The following ZMYM2 variants were observed in gnomAD, a reference collection of about 807,000 sequenced individuals.
ZMYM2 encodes zinc finger MYM-type protein 2.
In ZMYM2, 56 loss-of-function variants were observed where a neutral mutation model predicts 162.8. The observed-to-expected ratio is 0.34, with a 90% CI of 0.28 to 0.43. The LOEUF is 0.43. Ranked by LOEUF, ZMYM2 falls within the 20% of genes least tolerant of loss-of-function variation. The probability of loss-of-function intolerance (pLI) is 1.00; values close to 1 mark genes in which losing one functional copy is unlikely to be tolerated. For missense variants in ZMYM2, 1,275 were observed against 1,621.8 expected (o/e 0.79, Z 3.67); for synonymous variants, 510 against 541.6 (o/e 0.94, Z 0.81).
At chr13:19,949,118 CA>C in the ZMYM2 span, among the ~76,000 whole-genome samples, 1 of 146,742 alleles carries the variant, frequency 6.8e-6, no homozygotes, top group Non-Finnish European at 1.5e-5. Context: ...AAAAAAACTA[CA>C]AAAATTAAGG....
chr13:20,001,636 T>C (rs1036562368), intron 3 of ZMYM2, among the ~76,000 whole-genome samples: 1 of 152,166 alleles, frequency 6.6e-6, no homozygotes, highest in African/African-American at 2.4e-5. Context: ...ACTCTGATTT[T>C]GAAAGAAGCT....
chr13:19,989,566 C>T (rs1027971816), intron 2 of ZMYM2, among the ~76,000 whole-genome samples: 1 of 151,992 alleles, frequency 6.6e-6, no homozygotes, highest in Non-Finnish European at 1.5e-5. Flanking sequence ...AGCCTCTGCC[C>T]GTCTACATGA....
At chr13:19,865,509 A>G in the ZMYM2 span, among the ~76,000 whole-genome samples, 2 of 152,198 alleles carry the variant, frequency 1.3e-5, no homozygotes, top group African/African-American at 4.8e-5. Flanking sequence ...AATTACATGT[A>G]ATGTCATCAT....
intron 21 of ZMYM2, among the ~76,000 whole-genome samples, chr13:20,076,784 GA>G (rs1213991665): frequency 6.7e-6 from 1 of 150,232 alleles, no homozygotes; most frequent in African/African-American, 2.5e-5. Context: ...ATACATAGAG[GA>G]TTTCTAAGCT....
chr13:20,074,729 G>C (rs1175241150), intron 21 of ZMYM2, among the ~76,000 whole-genome samples: 1 of 152,100 alleles, frequency 6.6e-6, no homozygotes, highest in East Asian at 1.9e-4. Context: ...TAGTAGAGAC[G>C]AGGTTTCACC....
the ZMYM2 span, chr13:19,865,149 G>T: frequency 1.3e-5 from 2 of 152,158 alleles, no homozygotes; most frequent in African/African-American, 2.4e-5. Context: ...CCAATCTTTT[G>T]GCTTCCCGGG....
chr13:19,876,843 T>C, the ZMYM2 span, among the ~76,000 whole-genome samples: 1 of 152,192 alleles, frequency 6.6e-6, no homozygotes, highest in African/African-American at 2.4e-5. Flanking sequence ...TTTCTGTATG[T>C]ATGAATTTGA....
intron 12 of ZMYM2, among the ~76,000 whole-genome samples, chr13:20,047,822 C>T (rs971615666): frequency 2.0e-5 from 3 of 151,980 alleles, no homozygotes; most frequent in African/African-American, 7.2e-5. Flanking sequence ...CATCATGCAA[C>T]CAAAAAATGC....
At position 20,059,550 on chromosome 13, in the gene ZMYM2, A is replaced by T. The variant is rs1354363885; in HGVS notation, c.2727A>T (p.Thr909=). 6.4e-6 allele frequency: 8 copies of T among 1,242,754 alleles called. No individual in the cohort carries two copies. The allele number at this position is 1,242,754 out of a possible 1,614,324, so 77.0% of individuals were successfully genotyped here. A position where few individuals can be genotyped will look rare whatever the true frequency, so the allele number is the denominator to read the frequency against. Residue 909 remains threonine, a synonymous_variant, in exon 16 of 25, where the codon ACA becomes ACT. Coordinates refer to ENST00000610343, the MANE Select transcript of ZMYM2 (RefSeq NM_197968.4). ...GTCAGAATATTCCTGTTCCTACTAC[A>T]GTTCCTGTTCCTGTAAGTCACATTT... ...MYSQNIPVPT[T]VPVPVPVPVF...
rs58588019 is a variant in ZMYM2, at chr13:19,987,111, CAAAAAAAAAAAAAAA to C, written c.-10-5937_-10-5923del. Among the ~76,000 whole-genome samples the C allele has an allele frequency of 3.4e-4, 14 of 40,962 alleles. No homozygotes were observed. The East Asian group carries it at 5.4e-3, about 16-fold the overall frequency. The allele number at this position is 40,962 out of a possible 152,430, so 26.9% of individuals were successfully genotyped here. A position where few individuals can be genotyped will look rare whatever the true frequency, so the allele number is the denominator to read the frequency against. On this transcript the variant is annotated intron_variant, in intron 2 of 24. Transcript: ENST00000610343. The stretch of plus-strand genomic sequence containing the variant: ...TGGGCAAGAGAGCAAGGCTCCGTCT[CAAAAAAAAAAAAAAA>C]AAAAAAAAAAAAAATTTCAGCAGTT...
In ZMYM2 at chr13:20,026,477, A is replaced by G; in HGVS notation, c.1585-135A>G. On this transcript the variant is annotated intron_variant, in intron 7 of 24. Transcript: ENST00000610343. The stretch of plus-strand genomic sequence containing the variant: ...TAGTTAATAGTTTGTATGTAGATGA[A>G]GACTCATGACTCTAAACCTGTTTAG... 2.6e-6 allele frequency: 2 copies of G among 764,066 alleles called. 1 individual carries two copies. The allele number at this position is 764,066 out of a possible 1,614,324, so 47.3% of individuals were successfully genotyped here.
chr13:19,895,076 CAAAAAAA>C, the ZMYM2 span, among the ~76,000 whole-genome samples: 302 of 83,740 alleles, frequency 3.6e-3, 4 homozygotes, highest in African/African-American at 0.014. Flanking sequence ...AACTCCATCT[CAAAAAAA>C]AAAAAAAAAA....
At chr13:19,898,434 T>A in the ZMYM2 span, among the ~76,000 whole-genome samples, 13 of 151,886 alleles carry the variant, frequency 8.6e-5, no homozygotes, top group South Asian at 2.1e-4. Context: ...GGGGTTTCAC[T>A]GTGTTAGCCA....
chr13:19,938,581 T>G, the ZMYM2 span, among the ~76,000 whole-genome samples: 2 of 131,042 alleles, frequency 1.5e-5, no homozygotes. Context: ...TTAAATAAAA[T>G]TATGGAGGGG....
the ZMYM2 span, among the ~76,000 whole-genome samples, chr13:19,900,379 C>A: frequency 1.3e-5 from 2 of 152,010 alleles, no homozygotes; most frequent in African/African-American, 4.8e-5. Context: ...CTTAACCTAC[C>A]AAGAATGAAT....
chr13:19,909,084 G>A, the ZMYM2 span, among the ~76,000 whole-genome samples: 5 of 152,062 alleles, frequency 3.3e-5, no homozygotes, highest in South Asian at 4.2e-4. Flanking sequence ...TTTAACGTTC[G>A]TTTTTAATAT....
the ZMYM2 span, among the ~76,000 whole-genome samples, chr13:19,916,762 A>G: frequency 6.6e-6 from 1 of 152,078 alleles, no homozygotes; most frequent in Non-Finnish European, 1.5e-5. Context: ...ACCTAATGTA[A>G]ATGACGAGTT....
chr13:20,057,906 C>T (rs534580462), intron 14 of ZMYM2, among the ~76,000 whole-genome samples: 180 of 152,160 alleles, frequency 1.2e-3, no homozygotes, highest in Admixed American at 2.5e-3. Flanking sequence ...TGGAGAGTAC[C>T]TTATTTTTAC....
intron 2 of ZMYM2, among the ~76,000 whole-genome samples, chr13:19,975,142 G>A (rs1594110618): frequency 6.8e-6 from 1 of 146,516 alleles, no homozygotes; most frequent in Non-Finnish European, 1.5e-5. Context: ...ATTGTTTTTG[G>A]TATTTTTTTC....
Sources: allele counts gnomAD v4.1 joint callset (sites outside exome capture counted in the v4.1 genomes callset), GRCh38; gene constraint gnomAD v4.1.1; transcripts MANE v1.5; gene names NCBI Gene and HGNC (gene_info 2026-07-23, HGNC 2026-07-21).